The following COX7B2 variants were observed in gnomAD, a reference collection of about 807,000 sequenced individuals.
The protein encoded by COX7B2 is cytochrome c oxidase subunit 7B2, mitochondrial.
For missense variants in COX7B2, 109 were observed against 95.9 expected (o/e 1.14, Z -0.57); for synonymous variants, 37 against 32.1 (o/e 1.15, Z -0.51).
intron 1 of COX7B2, among the ~76,000 whole-genome samples, chr4:46,848,875 T>A (rs867451369): frequency 6.6e-5 from 10 of 152,154 alleles, no homozygotes; most frequent in Middle Eastern, 3.4e-3. Flanking sequence ...CTTCAGATGC[T>A]CAATTCCCTT....
chr4:46,804,170 G>T (rs1337030030), intron 2 of COX7B2, among the ~76,000 whole-genome samples: 2 of 152,126 alleles, frequency 1.3e-5, no homozygotes, highest in Non-Finnish European at 2.9e-5. Flanking sequence ...TGGGTTCGTG[G>T]TCTCACTAGC....
At chr4:46,828,415 A>G (rs1714838284) in intron 2 of COX7B2, among the ~76,000 whole-genome samples, 1 of 152,202 alleles carries the variant, frequency 6.6e-6, no homozygotes, top group Non-Finnish European at 1.5e-5. Context: ...GGATAACACC[A>G]AATGTTAGAA....
intron 2 of COX7B2, among the ~76,000 whole-genome samples, chr4:46,834,362 T>A (rs1031988086): frequency 1.3e-5 from 2 of 152,074 alleles, no homozygotes; most frequent in Non-Finnish European, 2.9e-5. Context: ...CTATCTCGAA[T>A]GTTGAAATAC....
chr4:46,842,449 T>G (rs905770993), intron 2 of COX7B2, among the ~76,000 whole-genome samples: 1 of 151,932 alleles, frequency 6.6e-6, no homozygotes, highest in African/African-American at 2.4e-5. Context: ...TGTGCACAAC[T>G]TGCAGGTTTG....
intron 2 of COX7B2, among the ~76,000 whole-genome samples, chr4:46,752,527 C>G (rs1054367715): frequency 2.0e-5 from 3 of 152,080 alleles, no homozygotes; most frequent in Admixed American, 2.0e-4. Flanking sequence ...CCAGTTTTTG[C>G]CAATTCAGTA....
At chr4:46,831,813 C>T (rs538218660) in intron 2 of COX7B2, among the ~76,000 whole-genome samples, 105 of 152,132 alleles carry the variant, frequency 6.9e-4, no homozygotes, top group African/African-American at 2.1e-3. Flanking sequence ...CACCAATCTG[C>T]GCTCTGTGTC....
intron 2 of COX7B2, among the ~76,000 whole-genome samples, chr4:46,768,679 A>T (rs963495632): frequency 1.3e-5 from 2 of 152,184 alleles, no homozygotes; most frequent in Non-Finnish European, 2.9e-5. Context: ...TGATCAAGGA[A>T]CCAGAACAAG....
chr4:46,883,009 T>C (rs889987166), intron 1 of COX7B2, among the ~76,000 whole-genome samples: 1 of 152,218 alleles, frequency 6.6e-6, no homozygotes, highest in Admixed American at 6.5e-5. Context: ...TTGAAGGCTA[T>C]GATTTTATAA....
intron 1 of COX7B2, among the ~76,000 whole-genome samples, chr4:46,881,788 G>A (rs1002700923): frequency 6.6e-6 from 1 of 152,074 alleles, no homozygotes; most frequent in African/African-American, 2.4e-5. Context: ...GTTTTCTTTA[G>A]TGATTTTGGG....
rs201505906 is a variant in COX7B2, at chr4:46,735,112, A to G, written c.81T>C (p.His27=). 6.2e-7 allele frequency: 1 copy of G among 1,614,004 alleles called. No individual in the cohort carries two copies. The highest frequency in any genetic ancestry group is 1.3e-5 in the African/African-American group (1 of 75,058). ...SILQSMARHS[H]VKHSPDFHDK... ...CATGAAAATCTGGTGAGTGTTTTAC[A>G]TGGCTATGTCTTGCCATGCTTTGCA... The change falls in exon 3 of 3, where the codon CAT becomes CAC. Residue 27 remains histidine, a synonymous_variant. Coordinates refer to ENST00000355591, the MANE Select transcript of COX7B2 (RefSeq NM_130902.3).
chr4:46,830,946 G>C (rs1486205412), intron 2 of COX7B2, among the ~76,000 whole-genome samples: 1 of 152,228 alleles, frequency 6.6e-6, no homozygotes, highest in Non-Finnish European at 1.5e-5. Context: ...GGCCGCACTT[G>C]AGGAGCCCTT....
intron 1 of COX7B2, among the ~76,000 whole-genome samples, chr4:46,898,585 T>A (rs1348179533): frequency 6.6e-6 from 1 of 151,980 alleles, no homozygotes; most frequent in African/African-American, 2.4e-5. Flanking sequence ...GCCTGGCTAA[T>A]TTTTTATTTT....
In COX7B2 at chr4:46,861,312, C is replaced by A. The variant is rs372018762; in HGVS notation, c.-104-16298G>T. 9.2e-5 allele frequency among the ~76,000 whole-genome samples: 14 copies of A among 152,298 alleles called. 2 individuals are homozygous for A. The highest frequency in any genetic ancestry group is 5.9e-4 in the Admixed American group (9 of 15,306). On this transcript the variant is annotated intron_variant, in intron 1 of 2. Coordinates refer to ENST00000355591, the MANE Select transcript of COX7B2 (RefSeq NM_130902.3). ...TTGTTGTACCCTGTACCTATGCCCT[C>A]TTTGCAGGAATTGGCAGCAACTGTG...
chr4:46,898,601 T>G (rs1719908949), intron 1 of COX7B2, among the ~76,000 whole-genome samples: 1 of 152,030 alleles, frequency 6.6e-6, no homozygotes, highest in African/African-American at 2.4e-5. Context: ...ATTTTTTTAT[T>G]TTTTGTAGAG....
intron 2 of COX7B2, among the ~76,000 whole-genome samples, chr4:46,802,062 T>A (rs145696286): frequency 6.6e-6 from 1 of 152,226 alleles, no homozygotes; most frequent in Non-Finnish European, 1.5e-5. Flanking sequence ...GACAACCAGC[T>A]TAGAAGGCAA....
intron 1 of COX7B2, among the ~76,000 whole-genome samples, chr4:46,855,718 G>A: frequency 6.6e-6 from 1 of 152,056 alleles, no homozygotes; most frequent in Non-Finnish European, 1.5e-5. Context: ...ATGATATTAA[G>A]ATACTTTAAC....
At chr4:46,842,952 T>C (rs1281406772) in intron 2 of COX7B2, among the ~76,000 whole-genome samples, 4 of 152,088 alleles carry the variant, frequency 2.6e-5, no homozygotes, top group African/African-American at 9.7e-5. Context: ...GTATTTCCAG[T>C]TCTAGATCCC....
At chr4:46,775,901 T>C (rs988118738) in intron 2 of COX7B2, among the ~76,000 whole-genome samples, 3 of 152,132 alleles carry the variant, frequency 2.0e-5, no homozygotes, top group Admixed American at 6.6e-5. Flanking sequence ...ATGCAAATAC[T>C]GGTAAGACAG....
intron 2 of COX7B2, among the ~76,000 whole-genome samples, chr4:46,826,483 C>T (rs185848934): frequency 1.1e-3 from 168 of 151,980 alleles, no homozygotes; most frequent in African/African-American, 3.7e-3. Flanking sequence ...CAGCCACAAG[C>T]GGAAATACCA....
Sources: allele counts gnomAD v4.1 joint callset (sites outside exome capture counted in the v4.1 genomes callset), GRCh38; gene constraint gnomAD v4.1.1; transcripts MANE v1.5; gene names NCBI Gene and HGNC (gene_info 2026-07-23, HGNC 2026-07-21).